The following P4HA1 variants were observed in gnomAD, a reference collection of about 807,000 sequenced individuals.
The protein encoded by P4HA1 is prolyl 4-hydroxylase subunit alpha 1.
A neutral mutation model predicts 72.8 loss-of-function variants in P4HA1; 24 were observed. The observed-to-expected ratio is 0.33, with a 90% CI of 0.24 to 0.46. The LOEUF is 0.46. P4HA1 is among the 20% of genes least tolerant of loss of function. P4HA1 has a pLI of 1.00. For missense variants in P4HA1, 446 were observed against 640.6 expected (o/e 0.70, Z 3.28); for synonymous variants, 201 against 218.8 (o/e 0.92, Z 0.72).
chr10:73,015,926 C>T (rs923224346), intron 11 of P4HA1, among the ~76,000 whole-genome samples: 4 of 151,960 alleles, frequency 2.6e-5, no homozygotes, highest in Admixed American at 6.6e-5. Flanking sequence ...TCTGCCACAC[C>T]GTATTTCCAT....
intron 1 of P4HA1, among the ~76,000 whole-genome samples, chr10:73,095,897 C>T (rs1842154015): frequency 6.6e-6 from 1 of 152,022 alleles, no homozygotes; most frequent in Non-Finnish European, 1.5e-5. Context: ...CATCCTTCCT[C>T]CCCATTGAAA....
chr10:73,073,663 A>C, intron 3 of P4HA1, 68 bp downstream of exon 3: 2 of 812,094 alleles, frequency 2.5e-6, no homozygotes, highest in Non-Finnish European at 4.3e-6. Context: ...TACTTAAAGA[A>C]TATTTTAGCT....
chr10:73,083,170 C>A (rs561809614), intron 1 of P4HA1, among the ~76,000 whole-genome samples: 1 of 152,114 alleles, frequency 6.6e-6, no homozygotes, highest in African/African-American at 2.4e-5. Flanking sequence ...TATTTCTGTT[C>A]TTCCCTATAA....
At chr10:73,040,872 G>A (rs1001999231) in intron 9 of P4HA1, among the ~76,000 whole-genome samples, 1 of 152,060 alleles carries the variant, frequency 6.6e-6, no homozygotes, top group Non-Finnish European at 1.5e-5. Flanking sequence ...GCAATAATCT[G>A]ATAAAATCTG....
intron 5 of P4HA1, among the ~76,000 whole-genome samples, chr10:73,054,834 T>C (rs916688060): frequency 6.6e-6 from 1 of 152,190 alleles, no homozygotes; most frequent in African/African-American, 2.4e-5. Flanking sequence ...GATTTGCATT[T>C]CCCTGGTGAC....
intron 5 of P4HA1, among the ~76,000 whole-genome samples, chr10:73,056,937 G>A (rs1841163343): frequency 6.6e-6 from 1 of 151,596 alleles, no homozygotes; most frequent in African/African-American, 2.4e-5. Context: ...GCGGATGCCT[G>A]TAGTCCCAGC....
At chr10:73,082,233 T>TA (rs1313409580) in intron 1 of P4HA1, among the ~76,000 whole-genome samples, 1 of 152,140 alleles carries the variant, frequency 6.6e-6, no homozygotes, top group South Asian at 2.1e-4. Flanking sequence ...ATTTTCAACT[T>TA]ACAGTTGGTT....
intron 10 of P4HA1, among the ~76,000 whole-genome samples, chr10:73,028,114 C>T (rs2133058231): frequency 6.6e-6 from 1 of 152,116 alleles, no homozygotes; most frequent in South Asian, 2.1e-4. Context: ...GAGTGGGTTG[C>T]TGTTTTTCAT....
intron 14 of P4HA1, among the ~76,000 whole-genome samples, chr10:73,008,503 G>A (rs79096541): frequency 0.01 from 1,588 of 152,208 alleles, 27 homozygotes; most frequent in African/African-American, 0.036. Flanking sequence ...ACTTGTGTGC[G>A]TGTATGTACA....
chr10:73,081,239 G>A (rs555199923), intron 1 of P4HA1, among the ~76,000 whole-genome samples: 1 of 150,442 alleles, frequency 6.6e-6, no homozygotes, highest in East Asian at 1.9e-4. Context: ...GAGGGAGGGA[G>A]GAGGAATAGG....
At chr10:73,047,757 C>T (rs763790310) in intron 7 of P4HA1, among the ~76,000 whole-genome samples, 103 of 152,198 alleles carry the variant, frequency 6.8e-4, no homozygotes, top group Non-Finnish European at 1.4e-3. Context: ...CTTAATTAAA[C>T]AAGTATGTCA....
At chr10:73,071,093 G>A (rs1841550018) in intron 4 of P4HA1, among the ~76,000 whole-genome samples, 1 of 151,854 alleles carries the variant, frequency 6.6e-6, no homozygotes, top group South Asian at 2.1e-4. Context: ...GGCTGAGGTG[G>A]GAGGATTGCT....
intron 5 of P4HA1, among the ~76,000 whole-genome samples, chr10:73,053,904 T>G (rs949649602): frequency 6.6e-6 from 1 of 151,606 alleles, no homozygotes; most frequent in African/African-American, 2.4e-5. Context: ...AATTACCATA[T>G]GAGATACATC....
At position 73,080,915 on chromosome 10, in the gene P4HA1, G is replaced by A. The variant is rs562573912; in HGVS notation, c.-32-6000C>T. Among the ~76,000 whole-genome samples, 173 of 152,220 alleles carry A rather than the reference G, an allele frequency of 1.1e-3. 1 individual carries two copies. Among genetic ancestry groups the A allele is most frequent in the Middle Eastern group, 3.4e-3 (1 of 294 alleles). On this transcript the variant is annotated intron_variant, in intron 1 of 14. Coordinates refer to ENST00000394890, the MANE Select transcript of P4HA1 (RefSeq NM_001017962.3). ...TGCACTCCAGCCTGGGCAACAGAGC[G>A]AGACTCCATCTCAAAAACAAAAACA...
intron 5 of P4HA1, among the ~76,000 whole-genome samples, chr10:73,059,625 G>A (rs1439868077): frequency 6.6e-6 from 1 of 150,498 alleles, no homozygotes; most frequent in East Asian, 1.9e-4. Flanking sequence ...CGCCTATAGT[G>A]CCAGCTACTC....
intron 1 of P4HA1, among the ~76,000 whole-genome samples, chr10:73,093,360 G>A (rs911071230): frequency 9.2e-5 from 14 of 152,048 alleles, no homozygotes; most frequent in Admixed American, 9.2e-4. Context: ...TCATCCAAAG[G>A]AAGACCAGGA....
chr10:73,021,796 G>C (rs373698181), intron 10 of P4HA1, among the ~76,000 whole-genome samples: 6 of 152,212 alleles, frequency 3.9e-5, no homozygotes, highest in Non-Finnish European at 7.3e-5. Context: ...CACATACTGC[G>C]CTTTTCCCAC....
At chr10:73,049,913 C>T (rs967137841) in intron 7 of P4HA1, among the ~76,000 whole-genome samples, 6 of 152,088 alleles carry the variant, frequency 3.9e-5, no homozygotes, top group African/African-American at 1.4e-4. Flanking sequence ...CCTGTAATCC[C>T]AGCACTTTAG....
At chr10:73,048,356 T>C (rs1370675679) in intron 7 of P4HA1, among the ~76,000 whole-genome samples, 2 of 152,164 alleles carry the variant, frequency 1.3e-5, no homozygotes, top group Admixed American at 1.3e-4. Context: ...CTCTGCCTCC[T>C]GGGTTCAAGC....
Sources: gnomAD v4.1 joint callset for allele counts (sites outside exome capture counted in the v4.1 genomes callset) on GRCh38, gnomAD v4.1.1 for gene constraint, MANE v1.5 for transcripts, NCBI Gene and HGNC (gene_info 2026-07-23, HGNC 2026-07-21) for gene names.